Variants in SRGAP3 observed in about 807,000 individuals in gnomAD.
SRGAP3 encodes SLIT-ROBO Rho GTPase-activating protein 3.
In SRGAP3, 39 loss-of-function variants were observed where a neutral mutation model predicts 121.1. That is an observed-to-expected ratio of 0.32 (90% CI 0.25 to 0.42). The LOEUF is 0.42. SRGAP3 is among the 10% of genes least tolerant of loss of function. The pLI is 1.00. For missense variants in SRGAP3, 1,213 were observed against 1,470.6 expected (o/e 0.82, Z 2.86); for synonymous variants, 601 against 570.0 (o/e 1.05, Z -0.77).
At chr3:9,103,651 C>G (rs1948302883) in intron 3 of SRGAP3, among the ~76,000 whole-genome samples, 1 of 152,198 alleles carries the variant, frequency 6.6e-6, no homozygotes, top group South Asian at 2.1e-4. Context: ...TTAACGCTCA[C>G]CCTCCTGGGA....
At chr3:9,197,490 T>A (rs1003328834) in intron 1 of SRGAP3, among the ~76,000 whole-genome samples, 1 of 152,274 alleles carries the variant, frequency 6.6e-6, no homozygotes, top group Non-Finnish European at 1.5e-5. Flanking sequence ...CAATATCAGT[T>A]AAATAATCAC....
At chr3:9,031,338 T>C (rs367853759) in intron 12 of SRGAP3, among the ~76,000 whole-genome samples, 34 of 152,250 alleles carry the variant, frequency 2.2e-4, no homozygotes, top group Middle Eastern at 3.4e-3. Flanking sequence ...GAGGATTCCT[T>C]TGGTACAGCC....
At chr3:9,315,649 C>T (rs1360219741) in intron 3 of SRGAP3, among the ~76,000 whole-genome samples, 1 of 152,164 alleles carries the variant, frequency 6.6e-6, no homozygotes, top group Non-Finnish European at 1.5e-5. Flanking sequence ...GAATGTTTTC[C>T]ATCTTCTGCC....
At chr3:9,349,775 G>A (rs1232868715) in intron 1 of SRGAP3, 1 of 152,246 alleles carries the variant, frequency 6.6e-6, no homozygotes, top group African/African-American at 2.4e-5. Context: ...TCTCGTGGCA[G>A]TTGAAATAGT....
rs574663449 is a variant in SRGAP3, at chr3:9,280,977, G to T, written n.442+45033C>A. ...AAGCAATTCCTGAATTGTTGGGGGT[G>T]GTGGGAGTCTTCCAGCAGTGGAGGC... On this transcript the variant is annotated intron_variant and non_coding_transcript_variant, in intron 3 of 3. Transcript: ENST00000490889. Among the ~76,000 whole-genome samples the T allele has an allele frequency of 2.5e-3, 386 of 152,036 alleles. 12 individuals carry two copies. The South Asian group carries it at 0.042, about 17-fold the overall frequency.
intron 18 of SRGAP3, among the ~76,000 whole-genome samples, chr3:8,999,796 A>C (rs746231428): frequency 2.6e-5 from 4 of 152,156 alleles, no homozygotes; most frequent in Non-Finnish European, 4.4e-5. Flanking sequence ...ATTTAGATTT[A>C]ATTTAAAAGG....
At chr3:9,063,509 T>C (rs1191113587) in intron 5 of SRGAP3, among the ~76,000 whole-genome samples, 1 of 151,978 alleles carries the variant, frequency 6.6e-6, no homozygotes, top group Non-Finnish European at 1.5e-5. Context: ...TTTGCCTTTT[T>C]TTTTTCATAA....
At chr3:9,258,749 C>T (rs536341197) in intron 3 of SRGAP3, among the ~76,000 whole-genome samples, 1 of 152,302 alleles carries the variant, frequency 6.6e-6, no homozygotes, top group African/African-American at 2.4e-5. Context: ...AATACTGCCT[C>T]CCTCTAGGGT....
chr3:9,172,792 TGGG>T (rs1310901683), intron 1 of SRGAP3, among the ~76,000 whole-genome samples: 1 of 152,074 alleles, frequency 6.6e-6, no homozygotes, highest in African/African-American at 2.4e-5. Flanking sequence ...CAGAGAGAGC[TGGG>T]GAGTGAGAAG....
intron 1 of SRGAP3, among the ~76,000 whole-genome samples, chr3:9,163,709 A>C (rs147585956): frequency 6.6e-6 from 1 of 152,180 alleles, no homozygotes; most frequent in Non-Finnish European, 1.5e-5. Context: ...TAGCTGCAAC[A>C]GGTTGTAGAA....
At position 9,124,666 on chromosome 3, in the gene SRGAP3, A is replaced by T. The variant is rs1009388803; in HGVS notation, c.260+59T>A. On this transcript the variant is annotated intron_variant, in intron 2 of 21. Coordinates refer to ENST00000383836, the MANE Select transcript of SRGAP3 (RefSeq NM_014850.4). ...TGGCCTCCTTTCTGCTTTGCCACCAACTGTCCGCCCACCCCAGTGCTGCCT... is the reference window on the plus strand; with the variant it reads ...TGGCCTCCTTTCTGCTTTGCCACCATCTGTCCGCCCACCCCAGTGCTGCCT... 34 of 1,608,056 alleles carry T rather than the reference A, an allele frequency of 2.1e-5. No individual in the cohort carries two copies. The East Asian group carries it at 7.4e-4, about 35-fold the overall frequency.
At chr3:9,037,929 A>C in intron 11 of SRGAP3, 134 bp downstream of exon 11, 1 of 1,206,764 alleles carries the variant, frequency 8.3e-7, no homozygotes, top group African/African-American at 1.5e-5. Context: ...ACCTGGGCAC[A>C]CCCACACCGG....
At chr3:9,160,235 T>C (rs1288732687) in intron 1 of SRGAP3, among the ~76,000 whole-genome samples, 2 of 152,234 alleles carry the variant, frequency 1.3e-5, no homozygotes, top group South Asian at 2.1e-4. Flanking sequence ...CTTCTCTCTT[T>C]AAAAGAGACC....
intron 21 of SRGAP3, among the ~76,000 whole-genome samples, chr3:8,988,081 T>C (rs2124913446): frequency 1.3e-5 from 2 of 151,660 alleles, no homozygotes; most frequent in Middle Eastern, 3.4e-3. Flanking sequence ...AAAGATCAGC[T>C]GAGTTGTTTA....
At chr3:9,356,192 C>CTTTT (rs929664300) in intron 1 of SRGAP3, among the ~76,000 whole-genome samples, 6 of 122,300 alleles carry the variant, frequency 4.9e-5, no homozygotes, top group East Asian at 2.3e-4. Context: ...ACTTTTTTTT[C>CTTTT]TTTTTTTTTT....
chr3:9,332,502 A>C (rs1459276898), intron 1 of SRGAP3, among the ~76,000 whole-genome samples: 1 of 152,096 alleles, frequency 6.6e-6, no homozygotes, highest in African/African-American at 2.4e-5. Flanking sequence ...TAGGTCTCAC[A>C]CTCCCTTCCA....
chr3:9,229,985 T>C (rs1953138534), intron 1 of SRGAP3, among the ~76,000 whole-genome samples: 1 of 152,188 alleles, frequency 6.6e-6, no homozygotes, highest in Admixed American at 6.5e-5. Flanking sequence ...AGTATTACTG[T>C]CCTTATTTTA....
chr3:9,095,792 G>A (rs1242098462), intron 3 of SRGAP3, among the ~76,000 whole-genome samples: 2 of 152,100 alleles, frequency 1.3e-5, no homozygotes, highest in African/African-American at 4.8e-5. Flanking sequence ...ACCTTGCGAG[G>A]TACAGTGGCT....
chr3:9,119,233 C>T (rs1354685365), intron 2 of SRGAP3, among the ~76,000 whole-genome samples: 1 of 152,202 alleles, frequency 6.6e-6, no homozygotes, highest in Admixed American at 6.5e-5. Flanking sequence ...TTCCTCCATT[C>T]CTCTCTGAGA....
Sources: allele counts gnomAD v4.1 joint callset (sites outside exome capture counted in the v4.1 genomes callset), GRCh38; gene constraint gnomAD v4.1.1; transcripts MANE v1.5; gene names NCBI Gene and HGNC (gene_info 2026-07-23, HGNC 2026-07-21).